Variants in PSD3 observed in about 807,000 individuals in gnomAD.
PSD3 encodes the protein PH and SEC7 domain-containing protein 3.
A neutral mutation model predicts 105.5 loss-of-function variants in PSD3; 49 were observed. The observed-to-expected ratio is 0.46, with a 90% confidence interval of 0.37 to 0.59. The LOEUF is 0.59. PSD3 is among the 20% of genes least tolerant of loss of function. PSD3 has a pLI of 0.00. For missense variants in PSD3, 1,561 were observed against 1,263.8 expected (o/e 1.24, Z -3.57); for synonymous variants, 557 against 457.8 (o/e 1.22, Z -2.77).
chr8:18,633,058 T>C (rs1323146463), intron 10 of PSD3, among the ~76,000 whole-genome samples: 1 of 151,998 alleles, frequency 6.6e-6, no homozygotes, highest in Non-Finnish European at 1.5e-5. Context: ...TGAGTTTAAA[T>C]GTACAAGGCC....
At chr8:18,614,348 C>CG (rs1554522960) in intron 11 of PSD3, among the ~76,000 whole-genome samples, 2 of 150,724 alleles carry the variant, frequency 1.3e-5, no homozygotes, top group African/African-American at 4.9e-5. Flanking sequence ...CATCCCCCCC[C>CG]CAAAAAAATC....
At chr8:18,890,154 A>G (rs1818695486) in intron 2 of PSD3, among the ~76,000 whole-genome samples, 1 of 152,118 alleles carries the variant, frequency 6.6e-6, no homozygotes, top group Admixed American at 6.5e-5. Flanking sequence ...CACGTAGGAG[A>G]CAATAAGATT....
chr8:18,590,245 T>C (rs1803495938), intron 12 of PSD3, among the ~76,000 whole-genome samples: 1 of 152,150 alleles, frequency 6.6e-6, no homozygotes, highest in South Asian at 2.1e-4. Context: ...CAGTCTCCAT[T>C]CCAAAGCAGT....
intron 2 of PSD3, among the ~76,000 whole-genome samples, chr8:18,879,169 C>A (rs1413367620): frequency 6.6e-6 from 1 of 151,952 alleles, no homozygotes; most frequent in Non-Finnish European, 1.5e-5. Context: ...AATTCCTTCA[C>A]CCCATTTTTA....
intron 2 of PSD3, among the ~76,000 whole-genome samples, chr8:18,892,264 C>CACT (rs1818841045): frequency 1.3e-5 from 2 of 151,318 alleles, no homozygotes; most frequent in Non-Finnish European, 2.9e-5. Flanking sequence ...CGCTCTGTTG[C>CACT]CCAGGCTGGA....
In PSD3 at chr8:18,535,700, C is replaced by G. The variant is rs1451550788; in HGVS notation, c.*43G>C. The G allele has an allele frequency of 2.7e-6, 4 of 1,489,546 alleles. No homozygotes were observed. The African/African-American group carries it at 5.5e-5, about 21-fold the overall frequency. The allele number at this position is 1,489,546 out of a possible 1,614,324, so 92.3% of individuals were successfully genotyped here. A position where few individuals can be genotyped will look rare whatever the true frequency, so the allele number is the denominator to read the frequency against. ...ATTACCAGAAAGATCTTGAAAAACC[C>G]TATTTTGCTCCATGACCAGCACTTC... On this transcript the variant is annotated 3_prime_UTR_variant, in exon 16 of 16. Transcript: ENST00000327040.
At chr8:18,763,076 C>G (rs1381273293) in intron 9 of PSD3, 2 of 476,460 alleles carry the variant, frequency 4.2e-6, no homozygotes, top group Non-Finnish European at 8.1e-6. Context: ...TACAAAATGA[C>G]ATGGAACAAC....
intron 1 of PSD3, among the ~76,000 whole-genome samples, chr8:19,082,988 C>T (rs1049470945): frequency 6.6e-6 from 1 of 152,188 alleles, no homozygotes; most frequent in Non-Finnish European, 1.5e-5. Context: ...AGGAAGGGTG[C>T]TGTGAGAAGC....
At chr8:19,080,471 A>G (rs1829607699) in intron 1 of PSD3, among the ~76,000 whole-genome samples, 1 of 152,234 alleles carries the variant, frequency 6.6e-6, no homozygotes, top group South Asian at 2.1e-4. Context: ...AAGGAGTAAC[A>G]GTCCAAGACA....
chr8:18,588,701 T>C (rs535844892), intron 12 of PSD3, among the ~76,000 whole-genome samples: 4 of 152,328 alleles, frequency 2.6e-5, no homozygotes, highest in African/African-American at 9.6e-5. Flanking sequence ...CTTGGAGCTC[T>C]AATCCAAGCT....
intron 8 of PSD3, among the ~76,000 whole-genome samples, chr8:18,779,798 G>C (rs1357626352): frequency 6.6e-6 from 1 of 152,116 alleles, no homozygotes; most frequent in African/African-American, 2.4e-5. Context: ...GAAGATACGT[G>C]ATATTATTTC....
intron 9 of PSD3, among the ~76,000 whole-genome samples, chr8:18,688,241 C>T (rs545247932): frequency 2.0e-5 from 3 of 148,660 alleles, no homozygotes; most frequent in East Asian, 2.0e-4. Context: ...GCACCTGGCA[C>T]GATCACGTCA....
chr8:18,542,520 G>C (rs1276602699), intron 15 of PSD3, among the ~76,000 whole-genome samples: 1 of 152,172 alleles, frequency 6.6e-6, no homozygotes, highest in Non-Finnish European at 1.5e-5. Flanking sequence ...TGGTAGAAAA[G>C]GGAATCTGAA....
At chr8:19,066,027 T>C (rs1829065635) in intron 1 of PSD3, among the ~76,000 whole-genome samples, 1 of 152,138 alleles carries the variant, frequency 6.6e-6, no homozygotes, top group Non-Finnish European at 1.5e-5. Context: ...GAATACCAAA[T>C]AAATATTTCA....
In PSD3 at chr8:18,959,156, A is replaced by G. The variant is rs557248774; in HGVS notation, c.22-23014T>C. 1.6e-4 allele frequency among the ~76,000 whole-genome samples: 25 copies of G among 152,244 alleles called. No homozygotes were observed. In the South Asian group the frequency reaches 2.1e-3, roughly 13 times the overall value. ...GGCTGGTCTCAAACTCCTGACCTCA[A>G]GTGACCCGCCCGACTCGGCCTCCCA... On this transcript the variant is annotated intron_variant, in intron 1 of 15. Coordinates refer to ENST00000327040, the MANE Select transcript of PSD3 (RefSeq NM_015310.4).
chr8:18,889,769 C>T (rs1029453928), intron 2 of PSD3, among the ~76,000 whole-genome samples: 4 of 152,066 alleles, frequency 2.6e-5, no homozygotes, highest in Non-Finnish European at 5.9e-5. Flanking sequence ...TCTCCCCATA[C>T]CTGAATTTTT....
intron 3 of PSD3, among the ~76,000 whole-genome samples, chr8:18,869,775 T>G (rs1817206911): frequency 6.6e-6 from 1 of 152,250 alleles, no homozygotes; most frequent in Non-Finnish European, 1.5e-5. Context: ...TAGGTCTCTG[T>G]TCTTTCCTTC....
chr8:18,853,693 A>C (rs185065980), intron 4 of PSD3, among the ~76,000 whole-genome samples: 13 of 152,338 alleles, frequency 8.5e-5, no homozygotes, highest in Non-Finnish European at 1.8e-4. Flanking sequence ...AATAAGAATG[A>C]TAGCCTTGTG....
chr8:18,815,687 TGGAA>T (rs1252887858), intron 4 of PSD3, among the ~76,000 whole-genome samples: 1 of 152,160 alleles, frequency 6.6e-6, no homozygotes, highest in Non-Finnish European at 1.5e-5. Flanking sequence ...TTGGCGTGTT[TGGAA>T]CTGCGTATCT....
Sources: allele counts gnomAD v4.1 joint callset (sites outside exome capture counted in the v4.1 genomes callset), GRCh38; gene constraint gnomAD v4.1.1; transcripts MANE v1.5; gene names NCBI Gene and HGNC (gene_info 2026-07-23, HGNC 2026-07-21).